The following ABCA13 variants were observed in gnomAD, a reference collection of about 807,000 sequenced individuals.
ABCA13 encodes ATP-binding cassette sub-family A member 13.
In ABCA13, 476 loss-of-function variants were observed where a neutral mutation model predicts 478.7. The observed-to-expected ratio is 0.99, with a 90% CI of 0.92 to 1.07. ABCA13 has a LOEUF of 1.07. ABCA13 is among the 50% of genes least tolerant of loss of function. The pLI is 0.00. For missense variants in ABCA13, 6,060 were observed against 5,910.6 expected, an observed-to-expected ratio of 1.03 and a Z score of -0.83; for synonymous variants, 2,252 against 2,158.9, an observed-to-expected ratio of 1.04 and a Z score of -1.20.
Position 48,298,472 on chromosome 7 carries a change from T to C in ABCA13, c.9306T>C (p.Asn3102=), listed in dbSNP as rs1401486516. 10 of 1,612,922 alleles carry C rather than the reference T, an allele frequency of 6.2e-6. No homozygotes were observed. Among genetic ancestry groups the C allele is most frequent in the Admixed American group, 3.3e-5 (2 of 59,864 alleles). Reference sequence around the variant, plus strand: ...CTATCCATAGCATTCTAGAAGCAAATATTTCCCACTCCAAGGTGTGGTGCT... The same window carrying C: ...CTATCCATAGCATTCTAGAAGCAAACATTTCCCACTCCAAGGTGTGGTGCT... ...NETIHSILEA[N]ISHSKVLFSA... The change falls in exon 23 of 62, where the codon AAT becomes AAC. Residue 3102 remains asparagine (N), a synonymous_variant. Transcript: ENST00000435803.
rs73332090 is a variant in ABCA13 at position 48,528,304 on chromosome 7, T to G, written c.14313T>G (p.Val4771=). The G allele has an allele frequency of 9.3e-5, 147 of 1,574,162 alleles. No homozygotes were observed. In the African/African-American group the frequency reaches 1.9e-3, roughly 20 times the overall value. ...STTFKMLNGE[V]SLTSGHAIIR... ...CTTTCAAAATGCTGAATGGTGAAGTTTCTCTAACTTCAGGACATGCTATCA... is the reference window on the plus strand; with the variant it reads ...CTTTCAAAATGCTGAATGGTGAAGTGTCTCTAACTTCAGGACATGCTATCA... The change falls in exon 55 of 62, where the codon GTT becomes GTG. Residue 4771 remains valine (V), a synonymous_variant. Transcript: ENST00000435803.
At chr7:48,632,002 G>A (rs1216558822) in intron 59 of ABCA13, among the ~76,000 whole-genome samples, 1 of 152,076 alleles carries the variant, frequency 6.6e-6, no homozygotes, top group African/African-American at 2.4e-5. Flanking sequence ...CTACTGATTT[G>A]TGCACATTGA....
chr7:48,194,525 G>A (rs1219985132), intron 2 of ABCA13, among the ~76,000 whole-genome samples: 1 of 152,070 alleles, frequency 6.6e-6, no homozygotes, highest in Non-Finnish European at 1.5e-5. Context: ...ATGGTCAGAT[G>A]GACCATTTTG....
intron 1 of ABCA13, among the ~76,000 whole-genome samples, chr7:48,191,879 C>A (rs1797152460): frequency 6.6e-6 from 1 of 152,142 alleles, no homozygotes; most frequent in Non-Finnish European, 1.5e-5. Flanking sequence ...AATAAAGAAA[C>A]CAAAGTGACC....
intron 42 of ABCA13, among the ~76,000 whole-genome samples, chr7:48,443,495 A>G (rs956866260): frequency 6.6e-6 from 1 of 152,106 alleles, no homozygotes; most frequent in Non-Finnish European, 1.5e-5. Context: ...CTGAGTAGTT[A>G]TTTACTGTGT....
At chr7:48,397,106 G>T (rs1486945123) in intron 38 of ABCA13, among the ~76,000 whole-genome samples, 1 of 152,152 alleles carries the variant, frequency 6.6e-6, no homozygotes, top group Non-Finnish European at 1.5e-5. Flanking sequence ...GTTCTTGTGG[G>T]TTGAGCCCTG....
chr7:48,225,755 T>C (rs1478100517), intron 5 of ABCA13, among the ~76,000 whole-genome samples: 2 of 152,106 alleles, frequency 1.3e-5, no homozygotes, highest in African/African-American at 4.8e-5. Flanking sequence ...AGATGGCAGA[T>C]AATAACATGC....
intron 55 of ABCA13, among the ~76,000 whole-genome samples, chr7:48,570,115 TTTGTGTG>T (rs1787465138): frequency 1.3e-5 from 2 of 152,094 alleles, no homozygotes; most frequent in Admixed American, 1.3e-4. Flanking sequence ...CAGCATTTGC[TTTGTGTG>T]TTGTGTGGCT....
intron 59 of ABCA13, chr7:48,626,766 T>G: frequency 1.0e-6 from 1 of 985,568 alleles, no homozygotes; most frequent in Non-Finnish European, 1.2e-6. Flanking sequence ...AAGATAGTGA[T>G]GTCTTTAGAG....
In ABCA13 at chr7:48,433,145, C is replaced by A. The variant is rs947655144; in HGVS notation, c.12565+5274C>A. On this transcript the variant is annotated intron_variant, in intron 42 of 61. Coordinates refer to ENST00000435803, the MANE Select transcript of ABCA13 (RefSeq NM_152701.5). Reference sequence around the variant, plus strand: ...AGGTTAAAAAAAAAAGAAATAAAATCTACCAAGTGTGCATTCAAACACATA... The same window carrying A: ...AGGTTAAAAAAAAAAGAAATAAAATATACCAAGTGTGCATTCAAACACATA... Among the ~76,000 whole-genome samples, 7 of 151,512 alleles carry A rather than the reference C, an allele frequency of 4.6e-5. No homozygotes were observed. In the East Asian group the frequency reaches 1.4e-3, roughly 29 times the overall value.
At chr7:48,340,386 G>T (rs914717505) in intron 29 of ABCA13, among the ~76,000 whole-genome samples, 5 of 152,174 alleles carry the variant, frequency 3.3e-5, no homozygotes, top group Non-Finnish European at 7.4e-5. Flanking sequence ...GATTACAGGC[G>T]TGAGCCACTG....
chr7:48,245,976 T>C lies in ABCA13; in HGVS notation c.1605T>C (p.Cys535=). The C allele has an allele frequency of 6.2e-7, 1 of 1,613,850 alleles. No individual in the cohort carries two copies. Among genetic ancestry groups the C allele is most frequent in the South Asian group, 1.1e-5 (1 of 91,052 alleles). The change falls in exon 13 of 62, where the codon TGT becomes TGC. Residue 535 remains cysteine, a synonymous_variant. Coordinates refer to ENST00000435803, the MANE Select transcript of ABCA13 (RefSeq NM_152701.5). ...GTCTCCAGGGACTGTTGTGCTATTG[T>C]AACTCCTCTGAGACGAGTGTTTTAA... ...WGGLQGLLCY[C]NSSETSVLNK...
chr7:48,293,193 C>CCCCT (rs1554419597), intron 20 of ABCA13, among the ~76,000 whole-genome samples: 1 of 64,480 alleles, frequency 1.6e-5, no homozygotes, highest in Non-Finnish European at 3.4e-5. Context: ...AAGTCTTCAG[C>CCCCT]CCCCCCCCCG....
intron 41 of ABCA13, among the ~76,000 whole-genome samples, chr7:48,425,560 T>C (rs1821283330): frequency 1.3e-5 from 2 of 152,168 alleles, no homozygotes; most frequent in South Asian, 4.1e-4. Flanking sequence ...TCTCATCAGA[T>C]TGATCTGAGA....
At position 48,404,354 on chromosome 7, in the gene ABCA13, A is replaced by G. The variant is rs1817994631; in HGVS notation, c.12070+475A>G. The G allele has an allele frequency of 4.3e-5, 8 of 185,818 alleles. No homozygotes were observed. The South Asian group carries it at 7.3e-4, about 17-fold the overall frequency. 11.5% of individuals were successfully genotyped at this position (185,818 alleles called of 1,614,324 possible). Reference sequence around the variant, plus strand: ...TCACATCTATTATTGTTTCTTTCCAATTTAGGACATTTGATGGGCAGTTAC... The same window carrying G: ...TCACATCTATTATTGTTTCTTTCCAGTTTAGGACATTTGATGGGCAGTTAC... On this transcript the variant is annotated intron_variant, in intron 39 of 61. Transcript: ENST00000435803.
intron 31 of ABCA13, among the ~76,000 whole-genome samples, chr7:48,361,770 A>G (rs1034194982): frequency 6.6e-6 from 1 of 151,622 alleles, no homozygotes. Context: ...ACAGGTTTCT[A>G]TTTTCTCTTT....
At chr7:48,532,034 T>C (rs1041646477) in intron 55 of ABCA13, among the ~76,000 whole-genome samples, 2 of 152,144 alleles carry the variant, frequency 1.3e-5, no homozygotes, top group African/African-American at 2.4e-5. Flanking sequence ...TCCAGTATTA[T>C]GTTGAATAGA....
At position 48,463,002 on chromosome 7, in the gene ABCA13, T is replaced by G. The variant is rs147227249; in HGVS notation, c.12816-3954T>G. ...TGGATTTTTCTTATACATCACTGTTTGTATCTAAACAGTGGCTATCCTCTT... is the reference window on the plus strand; with the variant it reads ...TGGATTTTTCTTATACATCACTGTTGGTATCTAAACAGTGGCTATCCTCTT... On this transcript the variant is annotated intron_variant, in intron 43 of 61. Coordinates refer to ENST00000435803, the MANE Select transcript of ABCA13 (RefSeq NM_152701.5). 7.6e-4 allele frequency among the ~76,000 whole-genome samples: 116 copies of G among 152,342 alleles called. 3 individuals carry two copies. In the East Asian group the frequency reaches 0.02, roughly 26 times the overall value.
At chr7:48,424,746 C>T (rs937643548) in intron 41 of ABCA13, among the ~76,000 whole-genome samples, 1 of 152,216 alleles carries the variant, frequency 6.6e-6, no homozygotes, top group Non-Finnish European at 1.5e-5. Context: ...GGGAGTTTTA[C>T]AGTTGCTGTC....
Sources: gnomAD v4.1 joint callset for allele counts (sites outside exome capture counted in the v4.1 genomes callset) on GRCh38, gnomAD v4.1.1 for gene constraint, MANE v1.5 for transcripts, NCBI Gene and HGNC (gene_info 2026-07-23, HGNC 2026-07-21) for gene names.